Variants in FARS2 observed in about 807,000 individuals in gnomAD.
FARS2 encodes the protein phenylalanyl-tRNA synthetase 2, mitochondrial, also known as phenylalanine--tRNA ligase, mitochondrial.
Under a neutral mutation model 46.4 loss-of-function variants are expected in FARS2, and 40 were observed. That is an observed-to-expected ratio of 0.86 (90% CI 0.67 to 1.12). FARS2 has a LOEUF of 1.12. Among genes scored for constraint, FARS2 ranks in the 50% most tolerant of loss-of-function variants. The pLI is 0.00. For synonymous variants in FARS2, 234 were observed against 214.9 expected, an observed-to-expected ratio of 1.09 and a Z score of -0.78; for missense variants, 513 against 567.9, an observed-to-expected ratio of 0.90 and a Z score of 0.98.
chr6:5,755,721 G>A lies in FARS2; in HGVS notation c.1218-15570G>A, dbSNP rs192790943. Among the ~76,000 whole-genome samples the A allele has an allele frequency of 1.9e-3, 286 of 152,244 alleles. 2 individuals carry two copies. The highest frequency in any genetic ancestry group is 5.7e-3 in the African/African-American group (236 of 41,546). ...CTGTAATTTGGGGCCTTGAGGTTAT[G>A]TTCATTGGAGCATATCCTGAGACAA... On this transcript the variant is annotated intron_variant, in intron 6 of 6. Coordinates refer to ENST00000274680, the MANE Select transcript of FARS2 (RefSeq NM_006567.5).
At chr6:5,580,311 AGGAG>A (rs1458350888) in intron 5 of FARS2, among the ~76,000 whole-genome samples, 2 of 143,152 alleles carry the variant, frequency 1.4e-5, no homozygotes, top group Admixed American at 6.9e-5. Context: ...AAAAAAGAGA[AGGAG>A]GGAGGGAGGA....
At chr6:5,494,334 A>G (rs1279023237) in intron 4 of FARS2, among the ~76,000 whole-genome samples, 1 of 152,182 alleles carries the variant, frequency 6.6e-6, no homozygotes, top group Non-Finnish European at 1.5e-5. Flanking sequence ...GTTCACAAAG[A>G]AGGCGGAGAA....
chr6:5,366,815 G>T (rs943345257), intron 1 of FARS2, among the ~76,000 whole-genome samples: 2 of 152,162 alleles, frequency 1.3e-5, no homozygotes, highest in African/African-American at 2.4e-5. Flanking sequence ...TTTGGCAAGG[G>T]TGCTGAGCTA....
intron 1 of FARS2, among the ~76,000 whole-genome samples, chr6:5,262,390 T>C (rs1765228962): frequency 6.6e-6 from 1 of 152,338 alleles, no homozygotes; most frequent in Admixed American, 6.5e-5. Flanking sequence ...GCCATTCTCC[T>C]GCCTCAGCCT....
At chr6:5,448,473 T>G (rs1006340808) in intron 4 of FARS2, among the ~76,000 whole-genome samples, 3 of 150,834 alleles carry the variant, frequency 2.0e-5, no homozygotes, top group African/African-American at 7.3e-5. Context: ...TTTTTTCTGT[T>G]TTTTTTTTTT....
chr6:5,454,870 G>C (rs1562052835), intron 4 of FARS2, among the ~76,000 whole-genome samples: 1 of 152,090 alleles, frequency 6.6e-6, no homozygotes, highest in Admixed American at 6.5e-5. Flanking sequence ...TCCTTTGCTG[G>C]GACTGCCTGG....
At chr6:5,435,833 T>C (rs1349699968) in intron 4 of FARS2, among the ~76,000 whole-genome samples, 2 of 152,214 alleles carry the variant, frequency 1.3e-5, no homozygotes, top group Admixed American at 6.5e-5. Context: ...AGCTTGATAG[T>C]TGAAAATATC....
intron 6 of FARS2, among the ~76,000 whole-genome samples, chr6:5,718,059 G>A (rs1257676781): frequency 2.6e-5 from 4 of 151,880 alleles, no homozygotes; most frequent in East Asian, 1.9e-4. Flanking sequence ...GATTACAGGC[G>A]TGTGCCACCA....
At chr6:5,422,874 G>A (rs1270916751) in intron 3 of FARS2, among the ~76,000 whole-genome samples, 4 of 152,176 alleles carry the variant, frequency 2.6e-5, no homozygotes, top group African/African-American at 7.2e-5. Context: ...TACCCACTGA[G>A]TGTTAATGAG....
intron 4 of FARS2, among the ~76,000 whole-genome samples, chr6:5,495,099 C>T (rs754760166): frequency 2.0e-4 from 30 of 152,230 alleles, no homozygotes; most frequent in Non-Finnish European, 3.4e-4. Flanking sequence ...CCTTCCCTCT[C>T]ATTGCCTTCA....
At chr6:5,377,659 A>G (rs1173223853) in intron 2 of FARS2, among the ~76,000 whole-genome samples, 2 of 152,192 alleles carry the variant, frequency 1.3e-5, no homozygotes, top group African/African-American at 2.4e-5. Flanking sequence ...GTCTTGGTCC[A>G]TGACCGAGTT....
intron 1 of FARS2, among the ~76,000 whole-genome samples, chr6:5,277,979 G>A (rs370127325): frequency 3.3e-5 from 5 of 152,244 alleles, no homozygotes; most frequent in African/African-American, 7.2e-5. Flanking sequence ...ATCCTGCTCC[G>A]TTTGGACTAG....
intron 4 of FARS2, among the ~76,000 whole-genome samples, chr6:5,445,114 C>A (rs200196): frequency 0.85 from 129,640 of 152,184 alleles, 55,427 homozygotes; most frequent in East Asian, 0.96. Context: ...AGAAAATTGC[C>A]TAGCAGCAGG....
chr6:5,461,783 T>C (rs1351965579), intron 4 of FARS2, among the ~76,000 whole-genome samples: 2 of 152,232 alleles, frequency 1.3e-5, no homozygotes, highest in African/African-American at 2.4e-5. Flanking sequence ...TTTACTATTG[T>C]TGAATAGTAT....
At chr6:5,329,593 G>A (rs1205783212) in intron 1 of FARS2, among the ~76,000 whole-genome samples, 4 of 152,128 alleles carry the variant, frequency 2.6e-5, no homozygotes, top group Admixed American at 6.5e-5. Context: ...AAGATTACCC[G>A]CAGTAGAATC....
intron 6 of FARS2, among the ~76,000 whole-genome samples, chr6:5,638,611 C>T (rs1268344761): frequency 6.6e-6 from 1 of 152,198 alleles, no homozygotes; most frequent in Non-Finnish European, 1.5e-5. Context: ...CTTCTCAGAG[C>T]AGGCCTCACT....
intron 4 of FARS2, among the ~76,000 whole-genome samples, chr6:5,438,550 T>C (rs991947529): frequency 1.3e-5 from 2 of 152,102 alleles, no homozygotes; most frequent in African/African-American, 4.8e-5. Context: ...TGTTTTATAG[T>C]TCCTATTTTT....
intron 1 of FARS2, among the ~76,000 whole-genome samples, chr6:5,289,979 CTT>C (rs931272206): frequency 2.0e-5 from 3 of 152,138 alleles, no homozygotes; most frequent in African/African-American, 4.8e-5. Flanking sequence ...GAATTCCACT[CTT>C]TTGTGTTCAT....
intron 4 of FARS2, among the ~76,000 whole-genome samples, chr6:5,540,969 G>C (rs1411481206): frequency 6.6e-6 from 1 of 152,152 alleles, no homozygotes; most frequent in Non-Finnish European, 1.5e-5. Flanking sequence ...CAGGTGTGAG[G>C]GGCCTTTGGT....
Sources: gnomAD v4.1 joint callset for allele counts (sites outside exome capture counted in the v4.1 genomes callset) on GRCh38, gnomAD v4.1.1 for gene constraint, MANE v1.5 for transcripts, NCBI Gene and HGNC (gene_info 2026-07-23, HGNC 2026-07-21) for gene names.